UNC93A: variants seen among roughly 807,000 people sequenced by gnomAD.
The protein encoded by UNC93A is unc-93 homolog A.
Under a neutral mutation model 47.5 loss-of-function variants are expected in UNC93A, and 43 were observed. The observed-to-expected ratio is 0.91, with a 90% CI of 0.71 to 1.17. UNC93A has a LOEUF of 1.17. Ranked by LOEUF, UNC93A falls within the 50% of genes most tolerant of loss-of-function variation. The pLI is 0.00. For synonymous variants in UNC93A, 280 were observed against 258.0 expected, an observed-to-expected ratio of 1.09 and a Z score of -0.82; for missense variants, 605 against 577.6, an observed-to-expected ratio of 1.05 and a Z score of -0.49.
rs368129820 is a variant in UNC93A, at chr6:167,307,782, C to T, written c.980C>T (p.Ala327Val). 9.9e-5 allele frequency: 158 copies of T among 1,593,164 alleles called. 5 individuals carry two copies. Among genetic ancestry groups the T allele is most frequent in the African/African-American group, 3.8e-4 (26 of 67,632 alleles). Residue 327 changes from alanine to valine, a missense_variant, in exon 7 of 8, where the codon GCG becomes GTG. By Grantham distance (64) the Ala-to-Val change is moderately conservative. Transcript: ENST00000230256. ...GGTTTCCCCTCTGCACCCCCAGGCG[C>T]GGTGACCCACGTGTCCTGCATGATT... ...TGRAVLYVLG[A>V]VTHVSCMIAL...
At chr6:167,299,414 C>A (rs1394915377) in intron 4 of UNC93A, among the ~76,000 whole-genome samples, 1 of 152,070 alleles carries the variant, frequency 6.6e-6, no homozygotes, top group African/African-American at 2.4e-5. Flanking sequence ...AACCTCAGGT[C>A]CCCTCAGGCC....
Position 167,296,074 on chromosome 6 carries a change from C to T in UNC93A, c.312C>T (p.Ala104=), listed in dbSNP as rs145804563. The T allele has an allele frequency of 2.3e-5, 37 of 1,614,102 alleles. No homozygotes were observed. Among genetic ancestry groups the T allele is most frequent in the South Asian group, 1.5e-4 (14 of 91,084 alleles). Reference sequence around the variant, plus strand: ...CCTCCATACTGCTGGGACTCGGGGCCGCCCCGCTGTGGTCTGCACAGTGCA... The same window carrying T: ...CCTCCATACTGCTGGGACTCGGGGCTGCCCCGCTGTGGTCTGCACAGTGCA... ...IPTSILLGLG[A]APLWSAQCTY... is the part of the protein sequence containing the mutation. The change falls in exon 3 of 8, where the codon GCC becomes GCT. Residue 104 remains alanine (A), a synonymous_variant. Coordinates refer to ENST00000230256, the MANE Select transcript of UNC93A (RefSeq NM_018974.4).
At chr6:167,285,842 A>G (rs2115094683) in intron 1 of UNC93A, among the ~76,000 whole-genome samples, 1 of 151,598 alleles carries the variant, frequency 6.6e-6, no homozygotes, top group African/African-American at 2.4e-5. Flanking sequence ...ATTCTTCTTT[A>G]AAGTATAGAA....
At chr6:167,303,264 C>G (rs145784084) in intron 4 of UNC93A, among the ~76,000 whole-genome samples, 1 of 152,332 alleles carries the variant, frequency 6.6e-6, no homozygotes, top group East Asian at 1.9e-4. Context: ...TCTTTATGTC[C>G]TTTCTTACTA....
chr6:167,290,032 G>A (rs1783814169), upstream of UNC93A, among the ~76,000 whole-genome samples: 1 of 152,282 alleles, frequency 6.6e-6, no homozygotes, highest in East Asian at 1.9e-4. Flanking sequence ...ATCGGGTGCT[G>A]TTCTAGGGGC....
At chr6:167,294,462 C>T in intron 1 of UNC93A, 55 bp from the exon 2 acceptor site, 6 of 1,590,146 alleles carry the variant, frequency 3.8e-6, no homozygotes, top group South Asian at 3.3e-5. Flanking sequence ...CCTGCTGGTG[C>T]CTCATCCCGC....
chr6:167,269,816 C>T (rs923537041), upstream of UNC93A, among the ~76,000 whole-genome samples: 3 of 151,912 alleles, frequency 2.0e-5, no homozygotes, highest in Non-Finnish European at 2.9e-5. Context: ...AGGGTTTCAC[C>T]GTGTTGGCCA....
rs138586773 is a variant in UNC93A at position 167,296,233 on chromosome 6, G to A, written c.471G>A (p.Ser157=). 26 of 1,614,066 alleles carry A rather than the reference G, an allele frequency of 1.6e-5. 1 individual carries two copies. In the South Asian group the frequency reaches 2.2e-4, roughly 14 times the overall value. The part of the protein sequence containing the change: ...SSGVWGNLIS[S]LVFGQTPSQE... ...GTGTGTGGGGCAACTTGATCTCATC[G>A]CTGGTATTTGGCCAGACTCCCAGCC... Residue 157 remains serine (S), a synonymous_variant, in exon 3 of 8, where the codon TCG becomes TCA. Transcript: ENST00000230256.
At chr6:167,303,709 G>T (rs1016710943) in intron 4 of UNC93A, among the ~76,000 whole-genome samples, 1 of 152,002 alleles carries the variant, frequency 6.6e-6, no homozygotes, top group South Asian at 2.1e-4. Flanking sequence ...TGTGAAAGCC[G>T]GTAAGTCTTG....
At chr6:167,305,846 C>T in intron 5 of UNC93A, 69 bp from the exon 6 acceptor site, 1 of 1,606,470 alleles carries the variant, frequency 6.2e-7, no homozygotes, top group Non-Finnish European at 8.5e-7. Flanking sequence ...AAGCACCCGA[C>T]TGCAGCTTTA....
At chr6:167,284,136 C>T (rs896144559) in intron 1 of UNC93A, among the ~76,000 whole-genome samples, 1 of 152,046 alleles carries the variant, frequency 6.6e-6, no homozygotes, top group African/African-American at 2.4e-5. Context: ...GGGGCAGCCC[C>T]ACAGAACAAG....
intron 1 of UNC93A, among the ~76,000 whole-genome samples, chr6:167,276,385 C>T (rs1341525902): frequency 1.3e-5 from 2 of 152,106 alleles, no homozygotes; most frequent in Non-Finnish European, 2.9e-5. Context: ...TTAGCTGGCT[C>T]ATATCGTGAT....
At chr6:167,306,566 A>G (rs529723383) in intron 6 of UNC93A, among the ~76,000 whole-genome samples, 14 of 152,332 alleles carry the variant, frequency 9.2e-5, no homozygotes, top group Middle Eastern at 3.4e-3. Flanking sequence ...GTGAACAATG[A>G]GGAATGCAGG....
At chr6:167,279,658 C>A (rs1430464024) in intron 1 of UNC93A, among the ~76,000 whole-genome samples, 1 of 152,114 alleles carries the variant, frequency 6.6e-6, no homozygotes, top group African/African-American at 2.4e-5. Flanking sequence ...TTCCTTGTTT[C>A]AGTCGAGTAT....
At chr6:167,301,864 A>G (rs1405541249) in intron 4 of UNC93A, among the ~76,000 whole-genome samples, 1 of 152,138 alleles carries the variant, frequency 6.6e-6, no homozygotes, top group African/African-American at 2.4e-5. Flanking sequence ...GGGGGCCCTG[A>G]TCATTGTAAA....
chr6:167,293,614 C>G (rs1777955606), intron 1 of UNC93A, among the ~76,000 whole-genome samples: 1 of 152,196 alleles, frequency 6.6e-6, no homozygotes, highest in African/African-American at 2.4e-5. Flanking sequence ...GCTTCGCTCT[C>G]AGGCCCCAAC....
At chr6:167,277,855 C>CTCTCTG (rs113933154) in intron 1 of UNC93A, among the ~76,000 whole-genome samples, 67,777 of 151,268 alleles carry the variant, frequency 0.45, 17,036 homozygotes, top group African/African-American at 0.69. Context: ...GTCTCTGTCC[C>CTCTCTG]TCTCTGTCTC....
At chr6:167,310,285 A>G (rs1011857169) in intron 7 of UNC93A, among the ~76,000 whole-genome samples, 1 of 152,292 alleles carries the variant, frequency 6.6e-6, no homozygotes. Flanking sequence ...ATATCCCCAC[A>G]ATATTCCATA....
At chr6:167,311,673 A>C (rs1037202624) in intron 7 of UNC93A, among the ~76,000 whole-genome samples, 2 of 152,182 alleles carry the variant, frequency 1.3e-5, no homozygotes, top group Non-Finnish European at 2.9e-5. Flanking sequence ...GGTCTCTTTA[A>C]CCCTGGGCCA....
Sources: gnomAD v4.1 joint callset for allele counts (sites outside exome capture counted in the v4.1 genomes callset) on GRCh38, gnomAD v4.1.1 for gene constraint, MANE v1.5 for transcripts, NCBI Gene and HGNC (gene_info 2026-07-23, HGNC 2026-07-21) for gene names.